Variants in MFSD2A observed in about 807,000 individuals in gnomAD.
MFSD2A encodes sodium-dependent lysophosphatidylcholine symporter 1.
In MFSD2A, 27 loss-of-function variants were observed where a neutral mutation model predicts 64.7. The observed-to-expected ratio is 0.42, with a 90% CI of 0.31 to 0.58. The LOEUF (loss-of-function observed/expected upper bound fraction) is 0.58, where lower values mean the gene tolerates loss of function less well. MFSD2A is among the 20% of genes least tolerant of loss of function. The pLI is 0.18. For synonymous variants in MFSD2A, 258 were observed against 273.4 expected (o/e 0.94, Z 0.55); for missense variants, 474 against 679.5 (o/e 0.70, Z 3.36).
chr1:39,969,583 C>G lies in MFSD2A; in HGVS notation c.*15C>G. 1 of 1,608,454 alleles carries G rather than the reference C, an allele frequency of 6.2e-7. No homozygotes were observed. Among genetic ancestry groups the G allele is most frequent in the Non-Finnish European group, 8.5e-7 (1 of 1,177,542 alleles). On this transcript the variant is annotated 3_prime_UTR_variant, in exon 14 of 14. Transcript: ENST00000372811. Reference sequence around the variant, plus strand: ...GCATCCTCTAGGGCCCGCCACGTTGCCCGAAGCCACCATGCAGAAGGCCAC... The same window carrying G: ...GCATCCTCTAGGGCCCGCCACGTTGGCCGAAGCCACCATGCAGAAGGCCAC...
Position 39,969,699 on chromosome 1 carries a change from A to C in MFSD2A, c.*131A>C. 2 of 878,026 alleles carry C rather than the reference A, an allele frequency of 2.3e-6. No homozygotes were observed. Among genetic ancestry groups the C allele is most frequent in the Non-Finnish European group, 3.5e-6 (2 of 567,958 alleles). 54.4% of individuals were successfully genotyped at this position (878,026 alleles called of 1,614,324 possible). A position where few individuals can be genotyped will look rare whatever the true frequency, so the allele number is the denominator to read the frequency against. ...TGAAGACTCAAGGAGGTGGCCCAGG[A>C]CACTTGCTGTGCTCACTGTGGGGCC... On this transcript the variant is annotated 3_prime_UTR_variant, in exon 14 of 14. Transcript: ENST00000372811.
Position 39,965,815 on chromosome 1 carries a change from A to G in MFSD2A, c.557-42A>G, listed in dbSNP as rs1481341239. The G allele has an allele frequency of 1.8e-5, 29 of 1,608,590 alleles. No homozygotes were observed. The highest frequency in any genetic ancestry group is 2.1e-4 in the Middle Eastern group (1 of 4,800). ...TTTGACCTTCCTCCCTGGGCCCACAATCCATGAGGCCCCTCCAAAACACCT... is the reference window on the plus strand; with the variant it reads ...TTTGACCTTCCTCCCTGGGCCCACAGTCCATGAGGCCCCTCCAAAACACCT... On this transcript the variant is annotated intron_variant, in intron 5 of 13. Transcript: ENST00000372811. This position sits in a 1 kb window ranked among gnomAD's most constrained non-coding sequence, Gnocchi z 5.5.
At position 39,966,659 on chromosome 1, in the gene MFSD2A, T is replaced by C; in HGVS notation, c.773T>C (p.Val258Ala). 6.2e-7 allele frequency: 1 copy of C among 1,614,062 alleles called. No homozygotes were observed. Among genetic ancestry groups the C allele is most frequent in the Non-Finnish European group, 8.5e-7 (1 of 1,179,990 alleles). The change falls in exon 7 of 14, where the codon GTC becomes GCC. Residue 258 changes from valine (V) to alanine (A), a missense_variant. Val to Ala is a moderately conservative substitution (Grantham distance 64, BLOSUM62 0). Transcript: ENST00000372811. ...GTCTGTATCTATATAATCTGTGCTG[T>C]CATCCTGATCCTGGGCGTGCGGGAG... Reference protein sequence around the residue: ...VIVCIYIICAVILILGVREQR... With the variant: ...VIVCIYIICAAILILGVREQR...
In MFSD2A at chr1:39,966,884, A is replaced by C. The variant is rs753461402; in HGVS notation, c.879A>C (p.Pro293=). ...RGLRLVMSHG[P]YIKLITGFLF... ...TACGGCTGGTCATGAGCCACGGCCC[A>C]TACATCAAACTTATTACTGGCTTCC... Residue 293 remains proline, a synonymous_variant, in exon 8 of 14, where the codon CCA becomes CCC. Transcript: ENST00000372811. The C allele has an allele frequency of 1.2e-6, 2 of 1,613,708 alleles. No homozygotes were observed. Among genetic ancestry groups the C allele is most frequent in the Non-Finnish European group, 1.7e-6 (2 of 1,180,026 alleles).
chr1:39,967,220 C>T (rs1351591409), intron 9 of MFSD2A, 51 bp downstream of exon 9: 1 of 1,510,948 alleles, frequency 6.6e-7, no homozygotes, highest in Non-Finnish European at 9.2e-7. Context: ...GTGACATAGG[C>T]TGTGGAATGG....
chr1:39,957,159 T>C lies in MFSD2A; in HGVS notation c.166T>C (p.Tyr56His). The C allele has an allele frequency of 1.2e-6, 2 of 1,613,634 alleles. No homozygotes were observed. Among genetic ancestry groups the C allele is most frequent in the Non-Finnish European group, 1.7e-6 (2 of 1,179,728 alleles). Residue 56 changes from tyrosine (Y) to histidine (H), a missense_variant, in exon 2 of 14, where the codon TAC becomes CAC. Coordinates refer to ENST00000372811, the MANE Select transcript of MFSD2A (RefSeq NM_032793.5). ...TTGCTATGCACTTGGGGGAGCCCCC[T>C]ACCAGGTGACGGGCTGTGCCCTGGG... ...KLCYALGGAP[Y>H]QVTGCALGFF...
At position 39,958,510 on chromosome 1, in the gene MFSD2A, C is replaced by T. The variant is rs932387958; in HGVS notation, c.229-191C>T. 6.6e-6 allele frequency among the ~76,000 whole-genome samples: 1 copy of T among 152,132 alleles called. No individual in the cohort carries two copies. Among genetic ancestry groups the T allele is most frequent in the Non-Finnish European group, 1.5e-5 (1 of 68,034 alleles). On this transcript the variant is annotated intron_variant, in intron 2 of 13. Coordinates refer to ENST00000372811, the MANE Select transcript of MFSD2A (RefSeq NM_032793.5). The surrounding 1 kb of genome is among the most constrained non-coding windows in gnomAD (Gnocchi z 4.7). ...AAAGCTTCTAAGGAGGCACCCAGTG[C>T]TACTGTTATTGGAGAAATGCTATTG... is the stretch of plus-strand genomic sequence containing the variant.
chr1:39,955,880 G>C lies in MFSD2A; in HGVS notation c.93+495G>C. 1 of 249,696 alleles carries C rather than the reference G, an allele frequency of 4.0e-6. No individual in the cohort carries two copies. Among genetic ancestry groups the C allele is most frequent in the Non-Finnish European group, 8.2e-6 (1 of 121,804 alleles). 15.5% of individuals were successfully genotyped at this position (249,696 alleles called of 1,614,324 possible). ...AGCCGCGTCCCTCAGGCATTTGTCT[G>C]AATGTGGATGTTCGCGCGGGAACGG... is the stretch of plus-strand genomic sequence containing the variant. On this transcript the variant is annotated intron_variant, in intron 1 of 13. Transcript: ENST00000372811. This position sits in a 1 kb window ranked among gnomAD's most constrained non-coding sequence, Gnocchi z 5.9.
rs769964481 is a variant in MFSD2A at position 39,968,750 on chromosome 1, G to T, written c.1529+5G>T. 1 of 1,614,026 alleles carries T rather than the reference G, an allele frequency of 6.2e-7. No individual in the cohort carries two copies. Among genetic ancestry groups the T allele is most frequent in the Non-Finnish European group, 8.5e-7 (1 of 1,179,998 alleles). The stretch of plus-strand genomic sequence containing the variant: ...GAAGGCCCTGCAGGCACTGAGGTGA[G>T]TGGGGAGGGGACAGGATGCTGGAGG... On this transcript the variant is annotated splice_donor_5th_base_variant and intron_variant, in intron 13 of 13. Transcript: ENST00000372811. This position sits in a 1 kb window ranked among gnomAD's most constrained non-coding sequence, Gnocchi z 4.4.
chr1:39,957,381 G>A (rs907971204), intron 2 of MFSD2A, among the ~76,000 whole-genome samples, 160 bp downstream of exon 2: 1 of 152,234 alleles, frequency 6.6e-6, no homozygotes, highest in African/African-American at 2.4e-5. Flanking sequence ...AGAAGACCCT[G>A]GAAAGTATCC....
rs1254917497 is a variant in MFSD2A, at chr1:39,960,972, T to C, written c.353+2147T>C. ...AAGGCTGGTGTGCATATGACCTCCC[T>C]GTCCAAACTTTTTTTCCTTTTTGTG... On this transcript the variant is annotated intron_variant, in intron 3 of 13. Transcript: ENST00000372811. This position sits in a 1 kb window ranked among gnomAD's most constrained non-coding sequence, Gnocchi z 4.8. 2.6e-5 allele frequency among the ~76,000 whole-genome samples: 4 copies of C among 152,286 alleles called. No homozygotes were observed. In the East Asian group the frequency reaches 7.7e-4, roughly 29 times the overall value.
rs1378504755 is a variant in MFSD2A at position 39,968,869 on chromosome 1, C to CT, written c.1529+126dup. 20 of 988,930 alleles carry CT rather than the reference C, an allele frequency of 2.0e-5. No individual in the cohort carries two copies. Among genetic ancestry groups the CT allele is most frequent in the Non-Finnish European group, 3.0e-5 (20 of 670,066 alleles). 61.3% of individuals were successfully genotyped at this position (988,930 alleles called of 1,614,324 possible). A position where few individuals can be genotyped will look rare whatever the true frequency, so the allele number is the denominator to read the frequency against. On this transcript the variant is annotated intron_variant, in intron 13 of 13. Coordinates refer to ENST00000372811, the MANE Select transcript of MFSD2A (RefSeq NM_032793.5). The surrounding 1 kb of genome is among the most constrained non-coding windows in gnomAD (Gnocchi z 4.4). The stretch of plus-strand genomic sequence containing the variant: ...ACATCTTCTCTGGACAGCTGTAACA[C>CT]TTAAGTACGCACCAGGCACTGTGTT...
In MFSD2A at chr1:39,965,785, A is replaced by T. The variant is rs1414503746; in HGVS notation, c.557-72A>T. On this transcript the variant is annotated intron_variant, in intron 5 of 13. Coordinates refer to ENST00000372811, the MANE Select transcript of MFSD2A (RefSeq NM_032793.5). The surrounding 1 kb of genome is among the most constrained non-coding windows in gnomAD (Gnocchi z 5.5). ...TGCCTGGAGCTACCGCTGGGCTCCCACCCATTTGACCTTCCTCCCTGGGCC... is the reference window on the plus strand; with the variant it reads ...TGCCTGGAGCTACCGCTGGGCTCCCTCCCATTTGACCTTCCTCCCTGGGCC... 3.4e-5 allele frequency: 54 copies of T among 1,585,724 alleles called. No individual in the cohort carries two copies. The highest frequency in any genetic ancestry group is 4.6e-5 in the Non-Finnish European group (53 of 1,161,110).
At position 39,965,626 on chromosome 1, in the gene MFSD2A, T is replaced by C; in HGVS notation, c.556+77T>C. On this transcript the variant is annotated intron_variant, in intron 5 of 13. Coordinates refer to ENST00000372811, the MANE Select transcript of MFSD2A (RefSeq NM_032793.5). The surrounding 1 kb of genome is among the most constrained non-coding windows in gnomAD (Gnocchi z 5.5). ...ACTTCTTCCCTTGCGGGTCCAGCTC[T>C]TTGCTCTGCTCTAGAGTGTGGGTGT... is the stretch of plus-strand genomic sequence containing the variant. The C allele has an allele frequency of 6.8e-7, 1 of 1,460,650 alleles. No homozygotes were observed. The highest frequency in any genetic ancestry group is 9.6e-7 in the Non-Finnish European group (1 of 1,042,736). 90.5% of individuals were successfully genotyped at this position (1,460,650 alleles called of 1,614,324 possible). A position where few individuals can be genotyped will look rare whatever the true frequency, so the allele number is the denominator to read the frequency against.
chr1:39,967,449 A>G, intron 9 of MFSD2A, 179 bp from the exon 10 acceptor site: 1 of 650,898 alleles, frequency 1.5e-6, no homozygotes, highest in Non-Finnish European at 2.7e-6. Flanking sequence ...GTGGGCCTGG[A>G]CCAGCTCTGA....
chr1:39,967,020 G>A, intron 8 of MFSD2A, 66 bp from the exon 9 acceptor site: 1 of 1,610,740 alleles, frequency 6.2e-7, no homozygotes, highest in South Asian at 1.1e-5. Context: ...GGGATGTCTT[G>A]GGGAGGCTCA....
chr1:39,969,161 C>A (rs947077573), intron 13 of MFSD2A, among the ~76,000 whole-genome samples: 2 of 152,206 alleles, frequency 1.3e-5, no homozygotes, highest in African/African-American at 4.8e-5. Context: ...CCTCAGCATT[C>A]CGGCTCCAGA....
chr1:39,957,747 GA>G (rs1644959786), intron 2 of MFSD2A: 1 of 152,906 alleles, frequency 6.5e-6, no homozygotes, highest in Non-Finnish European at 1.5e-5. Flanking sequence ...TGTGCATTGA[GA>G]AGCCTTGGCC....
chr1:39,969,111 G>A (rs1645228331), intron 13 of MFSD2A, among the ~76,000 whole-genome samples: 1 of 152,222 alleles, frequency 6.6e-6, no homozygotes, highest in Non-Finnish European at 1.5e-5. Flanking sequence ...AGCAGGAAGA[G>A]TACCTGGCCC....
Sources: allele counts gnomAD v4.1 joint callset (sites outside exome capture counted in the v4.1 genomes callset), GRCh38; gene constraint gnomAD v4.1.1; non-coding constraint Gnocchi (gnomAD v3.1); transcripts MANE v1.5; gene names NCBI Gene and HGNC (gene_info 2026-07-23, HGNC 2026-07-21).